The following LARP1 variants were observed in gnomAD, a reference collection of about 807,000 sequenced individuals.
LARP1 encodes La ribonucleoprotein 1, translational regulator, also known as la-related protein 1.
A neutral mutation model predicts 122.7 loss-of-function variants in LARP1; 36 were observed. The observed-to-expected ratio is 0.29, with a 90% CI of 0.22 to 0.39. LARP1 has a LOEUF of 0.39. Ranked by LOEUF, LARP1 falls within the 10% of genes least tolerant of loss-of-function variation. The pLI is 1.00. For missense variants in LARP1, 1,040 were observed against 1,403.6 expected, an observed-to-expected ratio of 0.74 and a Z score of 4.14; for synonymous variants, 539 against 528.7, an observed-to-expected ratio of 1.02 and a Z score of -0.27.
intron 1 of LARP1, among the ~76,000 whole-genome samples, chr5:154,742,004 C>T (rs1172089642): frequency 6.6e-6 from 1 of 152,162 alleles, no homozygotes; most frequent in African/African-American, 2.4e-5. Flanking sequence ...CATGTTCCTT[C>T]TAATGAACCT....
intron 1 of LARP1, among the ~76,000 whole-genome samples, chr5:154,782,277 T>C (rs1756513321): frequency 6.6e-6 from 1 of 152,252 alleles, no homozygotes; most frequent in African/African-American, 2.4e-5. Flanking sequence ...GAACCAAATG[T>C]GCTCTTTAGA....
intron 8 of LARP1, among the ~76,000 whole-genome samples, chr5:154,799,000 A>AAC (rs1758117990): frequency 6.6e-6 from 1 of 152,186 alleles, no homozygotes; most frequent in Non-Finnish European, 1.5e-5. Flanking sequence ...AATAGCTGGG[A>AAC]CTATAGGCGT....
intron 1 of LARP1, among the ~76,000 whole-genome samples, chr5:154,703,574 ACTG>A (rs781629208): frequency 1.3e-5 from 2 of 152,134 alleles, no homozygotes; most frequent in African/African-American, 4.8e-5. Flanking sequence ...TGATTGTACC[ACTG>A]CATTCCAACC....
chr5:154,722,462 G>A (rs1232255630), intron 1 of LARP1, among the ~76,000 whole-genome samples: 1 of 152,054 alleles, frequency 6.6e-6, no homozygotes, highest in African/African-American at 2.4e-5. Context: ...GAACAGGTGT[G>A]ACCCTGCCCT....
chr5:154,689,072 G>A (rs140586371), intron 1 of LARP1, among the ~76,000 whole-genome samples: 106 of 151,830 alleles, frequency 7.0e-4, no homozygotes, highest in Admixed American at 9.8e-4. Context: ...TAATCCTAGC[G>A]CTTTGGGAGG....
At chr5:154,698,575 C>T (rs987933597) in intron 1 of LARP1, among the ~76,000 whole-genome samples, 3 of 151,922 alleles carry the variant, frequency 2.0e-5, no homozygotes, top group African/African-American at 7.3e-5. Flanking sequence ...CCAGCCTGGG[C>T]GACAAGAGCG....
chr5:154,774,298 C>G (rs967821492), intron 1 of LARP1, among the ~76,000 whole-genome samples: 3 of 152,190 alleles, frequency 2.0e-5, no homozygotes, highest in Non-Finnish European at 2.9e-5. Flanking sequence ...CAGCCTTTCT[C>G]TGCATCACTG....
At chr5:154,791,133 TG>T (rs1757308101) in intron 3 of LARP1, among the ~76,000 whole-genome samples, 2 of 144,616 alleles carry the variant, frequency 1.4e-5, no homozygotes, top group South Asian at 4.4e-4. Flanking sequence ...TGTTTTTTGT[TG>T]TTTTTTTTTT....
At chr5:154,719,204 T>C (rs1755703393) in intron 1 of LARP1, among the ~76,000 whole-genome samples, 1 of 152,298 alleles carries the variant, frequency 6.6e-6, no homozygotes, top group South Asian at 2.1e-4. Context: ...CAGAGTCCCT[T>C]TACTCCTGTC....
rs181037844 is a variant in LARP1 at position 154,805,716 on chromosome 5, A to C, written c.2547-165A>C. 3.0e-3 allele frequency: 2,067 copies of C among 687,926 alleles called. 3 individuals are homozygous for C. The highest frequency in any genetic ancestry group is 4.6e-3 in the Admixed American group (187 of 40,468). 42.6% of individuals were successfully genotyped at this position (687,926 alleles called of 1,614,324 possible). A position where few individuals can be genotyped will look rare whatever the true frequency, so the allele number is the denominator to read the frequency against. On this transcript the variant is annotated intron_variant, in intron 14 of 18. Transcript: ENST00000518297. ...ACTCTCTGAGAGTTGATGCAGAGTTAATCAGACCCATGGATATAAGTTAAA... is the reference window on the plus strand; with the variant it reads ...ACTCTCTGAGAGTTGATGCAGAGTTCATCAGACCCATGGATATAAGTTAAA...
At chr5:154,694,304 C>T (rs1486801666) in intron 1 of LARP1, among the ~76,000 whole-genome samples, 6 of 151,968 alleles carry the variant, frequency 3.9e-5, no homozygotes, top group Admixed American at 2.0e-4. Context: ...TTGCCCAGGC[C>T]GAAGTGCAGT....
At chr5:154,734,179 A>T (rs1030806215) in intron 1 of LARP1, among the ~76,000 whole-genome samples, 5 of 152,104 alleles carry the variant, frequency 3.3e-5, no homozygotes, top group African/African-American at 4.8e-5. Flanking sequence ...AAAAAAAAAA[A>T]AATAGTACCT....
At chr5:154,804,114 C>G (rs1469147716) in intron 13 of LARP1, 87 bp from the exon 14 acceptor site, 3 of 923,626 alleles carry the variant, frequency 3.2e-6, no homozygotes, top group Non-Finnish European at 5.3e-6. Flanking sequence ...TGTGAGAGAT[C>G]ATGCCCATCT....
chr5:154,803,751 G>A lies in LARP1; in HGVS notation c.2439+6G>A. On this transcript the variant is annotated splice_donor_region_variant and intron_variant, in intron 13 of 18. Transcript: ENST00000518297. This position sits in a 1 kb window ranked among gnomAD's most constrained non-coding sequence, Gnocchi z 4.4. Reference sequence around the variant, plus strand: ...GACGGACACTGGATGCCAAGGTGAGGCATTCCTGTCGGGCTGCTCAGAGTC... The same window carrying A: ...GACGGACACTGGATGCCAAGGTGAGACATTCCTGTCGGGCTGCTCAGAGTC... The A allele has an allele frequency of 6.2e-7, 1 of 1,613,824 alleles. No individual in the cohort carries two copies. The highest frequency in any genetic ancestry group is 8.5e-7 in the Non-Finnish European group (1 of 1,179,698).
At chr5:154,688,200 G>A (rs1754024930) in intron 1 of LARP1, among the ~76,000 whole-genome samples, 1 of 152,186 alleles carries the variant, frequency 6.6e-6, no homozygotes, top group Non-Finnish European at 1.5e-5. Context: ...TGGGTGTCCT[G>A]GGGGTGGCGA....
At chr5:154,772,081 C>T (rs550063721) in intron 1 of LARP1, among the ~76,000 whole-genome samples, 16 of 152,290 alleles carry the variant, frequency 1.1e-4, no homozygotes, top group South Asian at 4.1e-4. Context: ...AAATATACAA[C>T]GCACATGAAC....
At chr5:154,754,154 CCA>C (rs1753655635), upstream of LARP1, among the ~76,000 whole-genome samples, 1 of 152,234 alleles carries the variant, frequency 6.6e-6, no homozygotes, top group South Asian at 2.1e-4. Context: ...TAACTGATTA[CCA>C]CAGTTTAACT....
chr5:154,727,480 G>T (rs1247341594), intron 1 of LARP1, among the ~76,000 whole-genome samples: 1 of 152,156 alleles, frequency 6.6e-6, no homozygotes, highest in East Asian at 1.9e-4. Flanking sequence ...GGTTACCAAG[G>T]TGTAGGGTAG....
chr5:154,765,575 G>C (rs958625446), intron 1 of LARP1, among the ~76,000 whole-genome samples: 1 of 152,066 alleles, frequency 6.6e-6, no homozygotes, highest in Non-Finnish European at 1.5e-5. Context: ...TTAATTTTTT[G>C]TAGGAATGGG....
Sources: allele counts gnomAD v4.1 joint callset (sites outside exome capture counted in the v4.1 genomes callset), GRCh38; gene constraint gnomAD v4.1.1; non-coding constraint Gnocchi (gnomAD v3.1); transcripts MANE v1.5; gene names NCBI Gene and HGNC (gene_info 2026-07-23, HGNC 2026-07-21).